Variants in DPP6 observed in about 807,000 individuals in gnomAD.
DPP6 encodes the protein dipeptidyl peptidase like 6.
A neutral mutation model predicts 122.6 loss-of-function variants in DPP6; 69 were observed. The ratio of observed to expected loss-of-function variants is 0.56; its 90% CI spans 0.46 to 0.69. The LOEUF (loss-of-function observed/expected upper bound fraction) is 0.69, where lower values mean the gene tolerates loss of function less well. Ranked by LOEUF, DPP6 falls within the 30% of genes least tolerant of loss-of-function variation. The probability of loss-of-function intolerance (pLI) is 0.00; values close to 1 mark genes in which losing one functional copy is unlikely to be tolerated. For synonymous variants in DPP6, 418 were observed against 433.1 expected, an observed-to-expected ratio of 0.97 and a Z score of 0.43; for missense variants, 928 against 1,116.9, an observed-to-expected ratio of 0.83 and a Z score of 2.41.
rs1468432192 is a variant in DPP6, at chr7:154,769,538, C to T, written c.1005C>T (p.Ile335=). ...IMELPTYTGS[I]YPTVKPYHYP... ...AGCTCCCAACTTACACCGGCTCCAT[C>T]TACCCCACCGTGAAGCCCTACCACT... Residue 335 remains isoleucine, a synonymous_variant, in exon 9 of 26, where the codon ATC becomes ATT. Transcript: ENST00000377770. The T allele has an allele frequency of 6.2e-7, 1 of 1,612,506 alleles. No homozygotes were observed. Among genetic ancestry groups the T allele is most frequent in the Non-Finnish European group, 8.5e-7 (1 of 1,179,026 alleles).
rs149673382 is a variant in DPP6, at chr7:153,948,589, T to A, written c.51+60855T>A. Reference sequence around the variant, plus strand: ...TGAGATAATTGTGGCCCAGAGACATTTTCTTCTCTACCTTCCTCACTGTTT... The same window carrying A: ...TGAGATAATTGTGGCCCAGAGACATATTCTTCTCTACCTTCCTCACTGTTT... On this transcript the variant is annotated intron_variant, in intron 1 of 25. Transcript: ENST00000404039. Among the ~76,000 whole-genome samples the A allele has an allele frequency of 7.7e-3, 1,141 of 148,764 alleles. 7 individuals carry two copies. The highest frequency in any genetic ancestry group is 0.013 in the South Asian group (56 of 4,400).
intron 19 of DPP6, among the ~76,000 whole-genome samples, 192 bp downstream of exon 19, chr7:154,872,885 A>T (rs544034385): frequency 6.6e-6 from 1 of 152,346 alleles, no homozygotes; most frequent in Admixed American, 6.5e-5. Context: ...GTTAAAGGAA[A>T]GTGGGTGCTG....
intron 1 of DPP6, among the ~76,000 whole-genome samples, chr7:154,123,223 A>G (rs1460795462): frequency 1.3e-5 from 2 of 152,234 alleles, no homozygotes; most frequent in African/African-American, 2.4e-5. Flanking sequence ...ACATCAGTAA[A>G]TAACTGCCTG....
At chr7:154,831,643 C>T (rs1800638200) in intron 16 of DPP6, among the ~76,000 whole-genome samples, 2 of 152,054 alleles carry the variant, frequency 1.3e-5, no homozygotes, top group Non-Finnish European at 2.9e-5. Flanking sequence ...CTTGGCAATC[C>T]AGATACATTT....
At chr7:154,855,133 G>A (rs755707050) in intron 17 of DPP6, among the ~76,000 whole-genome samples, 5 of 152,036 alleles carry the variant, frequency 3.3e-5, no homozygotes, top group South Asian at 2.1e-4. Context: ...GGCTCCAAAC[G>A]TGTGTTTAGA....
chr7:154,711,018 T>A (rs1280570327), intron 7 of DPP6, among the ~76,000 whole-genome samples: 1 of 152,192 alleles, frequency 6.6e-6, no homozygotes, highest in Non-Finnish European at 1.5e-5. Flanking sequence ...ATTAGCTTGA[T>A]CAGGAAATGT....
chr7:153,822,206 T>C, the DPP6 span, among the ~76,000 whole-genome samples: 1 of 73,738 alleles, frequency 1.4e-5, no homozygotes, highest in Non-Finnish European at 2.9e-5. Context: ...TTTTTTTTTT[T>C]TGAGATGGAG....
At chr7:154,493,473 C>T (rs1480470803) in intron 3 of DPP6, among the ~76,000 whole-genome samples, 1 of 150,484 alleles carries the variant, frequency 6.6e-6, no homozygotes, top group Admixed American at 6.6e-5. Context: ...ATTGGTGGCC[C>T]ATCGTTTTAT....
At chr7:154,308,159 C>A (rs566811733) in intron 1 of DPP6, among the ~76,000 whole-genome samples, 1 of 151,740 alleles carries the variant, frequency 6.6e-6, no homozygotes, top group Admixed American at 6.6e-5. Context: ...AAGTGAGTTT[C>A]TTTACCAGCC....
the DPP6 span, among the ~76,000 whole-genome samples, chr7:153,855,434 T>C: frequency 1.3e-5 from 2 of 152,202 alleles, no homozygotes; most frequent in African/African-American, 4.8e-5. Flanking sequence ...AATTGGACAT[T>C]TAAAATAATC....
intron 1 of DPP6, among the ~76,000 whole-genome samples, chr7:154,270,090 T>A (rs1803689791): frequency 6.6e-6 from 1 of 152,176 alleles, no homozygotes; most frequent in Non-Finnish European, 1.5e-5. Context: ...CATTTTCCCA[T>A]CGAGTTAAAG....
intron 1 of DPP6, among the ~76,000 whole-genome samples, chr7:154,037,785 C>G (rs1293175789): frequency 7.3e-6 from 1 of 136,062 alleles, no homozygotes; most frequent in Admixed American, 7.5e-5. Context: ...TCCCTATTCA[C>G]CCTGTTAAGC....
chr7:154,615,700 T>A (rs1834198388), intron 5 of DPP6, among the ~76,000 whole-genome samples: 1 of 149,764 alleles, frequency 6.7e-6, no homozygotes. Flanking sequence ...CAATGTTGTG[T>A]AACCATCACC....
At chr7:153,953,881 A>T (rs1802336145) in intron 1 of DPP6, among the ~76,000 whole-genome samples, 1 of 152,204 alleles carries the variant, frequency 6.6e-6, no homozygotes, top group Admixed American at 6.5e-5. Flanking sequence ...GGTGCTGGCA[A>T]GTCTGAAATC....
chr7:154,888,463 G>A (rs1806342636), intron 23 of DPP6, among the ~76,000 whole-genome samples: 1 of 152,200 alleles, frequency 6.6e-6, no homozygotes, highest in Non-Finnish European at 1.5e-5. Flanking sequence ...TTGATTTGGT[G>A]CAGCTGTCAG....
intron 1 of DPP6, among the ~76,000 whole-genome samples, chr7:154,086,850 C>T (rs1804463051): frequency 6.6e-6 from 1 of 152,106 alleles, no homozygotes; most frequent in South Asian, 2.1e-4. Context: ...AACTCCTGAC[C>T]TCATGATCCA....
In DPP6 at chr7:154,297,656, G is replaced by A. The variant is rs538619223; in HGVS notation, c.244-148558G>A. ...CTAAAATAACAGTGCCCAGTACACA[G>A]CAGAAGTTTATTTCTCTTTCTTGTA... On this transcript the variant is annotated intron_variant, in intron 1 of 25. Transcript: ENST00000377770. Among the ~76,000 whole-genome samples the A allele has an allele frequency of 8.4e-4, 128 of 152,306 alleles. 1 individual carries two copies. The highest frequency in any genetic ancestry group is 2.9e-3 in the African/African-American group (121 of 41,572).
chr7:154,794,081 A>G lies in DPP6; in HGVS notation c.1139A>G (p.Glu380Gly). 1.2e-6 allele frequency: 2 copies of G among 1,613,136 alleles called. No individual in the cohort carries two copies. Among genetic ancestry groups the G allele is most frequent in the Non-Finnish European group, 1.7e-6 (2 of 1,179,494 alleles). ...MMPPDDPRMR[E>G]YYITMVKWAT... ...CATGCTGTGTTTGGCGTTTCCAGGGAGTACTACATCACCATGGTGAAGTGG... is the reference window on the plus strand; with the variant it reads ...CATGCTGTGTTTGGCGTTTCCAGGGGGTACTACATCACCATGGTGAAGTGG... Residue 380 changes from glutamate (E) to glycine (G), a missense_variant and splice_region_variant, in exon 11 of 26, where the codon GAG becomes GGG. By Grantham distance (98) the Glu-to-Gly change is moderately conservative. Transcript: ENST00000377770.
chr7:153,792,773 T>C, the DPP6 span, among the ~76,000 whole-genome samples: 2 of 151,584 alleles, frequency 1.3e-5, no homozygotes, highest in African/African-American at 2.4e-5. Context: ...TCAACTTGAA[T>C]TGTATCTCCC....
Sources: allele counts gnomAD v4.1 joint callset (sites outside exome capture counted in the v4.1 genomes callset), GRCh38; gene constraint gnomAD v4.1.1; transcripts MANE v1.5; gene names NCBI Gene and HGNC (gene_info 2026-07-23, HGNC 2026-07-21).